Variants in XNDC1N observed in about 807,000 individuals in gnomAD.
XNDC1N encodes XRCC1 N-terminal domain containing 1, N-terminal like, also known as protein XNDC1N.
chr11:71,924,759 A>C, the XNDC1N span, among the ~76,000 whole-genome samples: 14 of 152,202 alleles, frequency 9.2e-5, no homozygotes, highest in East Asian at 2.7e-3. Flanking sequence ...GTAAAATTTT[A>C]AATATATGCA....
chr11:71,919,605 G>GTTTTTT, the XNDC1N span, among the ~76,000 whole-genome samples: 75 of 10,922 alleles, frequency 6.9e-3, no homozygotes, highest in African/African-American at 8.2e-3. Flanking sequence ...GGCCAGGTTG[G>GTTTTTT]TTTTTTTTTT....
the XNDC1N span, among the ~76,000 whole-genome samples, chr11:71,870,000 G>A: frequency 6.6e-6 from 1 of 152,138 alleles, no homozygotes; most frequent in South Asian, 2.1e-4. Context: ...TGTTAGGCTG[G>A]GGAGGCCTAA....
chr11:71,905,899 ATCTC>A, the XNDC1N span, among the ~76,000 whole-genome samples: 4 of 152,078 alleles, frequency 2.6e-5, no homozygotes, highest in South Asian at 2.1e-4. Context: ...TTAAAGTAAT[ATCTC>A]TCTATCAGAT....
the XNDC1N span, among the ~76,000 whole-genome samples, chr11:71,897,531 C>T: frequency 6.6e-6 from 1 of 152,086 alleles, no homozygotes; most frequent in Non-Finnish European, 1.5e-5. Context: ...GAATGTGATA[C>T]CACAGATTAG....
At chr11:71,890,671 CAG>C in the XNDC1N span, among the ~76,000 whole-genome samples, 1 of 152,030 alleles carries the variant, frequency 6.6e-6, no homozygotes, top group Non-Finnish European at 1.5e-5. Context: ...AACAATATCA[CAG>C]GGGGTTGTGA....
At chr11:71,884,487 A>G in the XNDC1N span, 7 of 1,610,668 alleles carry the variant, frequency 4.3e-6, no homozygotes, top group Non-Finnish European at 5.1e-6. Flanking sequence ...TGAACATGCA[A>G]TTAGATACTG....
the XNDC1N span, chr11:71,903,837 T>C: frequency 1.7e-5 from 6 of 353,888 alleles, no homozygotes; most frequent in South Asian, 1.3e-4. Flanking sequence ...TCGGGGACCC[T>C]TTTCTCTTAC....
chr11:71,918,247 G>C, the XNDC1N span, among the ~76,000 whole-genome samples: 1 of 152,146 alleles, frequency 6.6e-6, no homozygotes, highest in Non-Finnish European at 1.5e-5. Flanking sequence ...TCCTGACACA[G>C]ATATTTACAG....
the XNDC1N span, among the ~76,000 whole-genome samples, chr11:71,913,523 G>A: frequency 1.3e-5 from 2 of 152,086 alleles, no homozygotes; most frequent in African/African-American, 4.8e-5. Flanking sequence ...GCCGGGTGTG[G>A]TGGTGTGCGC....
the XNDC1N span, among the ~76,000 whole-genome samples, chr11:71,869,199 C>T: frequency 1.2e-4 from 18 of 152,004 alleles, no homozygotes; most frequent in Middle Eastern, 3.4e-3. Context: ...TATCCCTCCC[C>T]GCTCCCACTA....
the XNDC1N span, chr11:71,927,603 T>G: frequency 3.0e-4 from 46 of 152,154 alleles, no homozygotes; most frequent in African/African-American, 1.1e-3. Context: ...ATATAATTAT[T>G]AAAAATGGAC....
the XNDC1N span, among the ~76,000 whole-genome samples, chr11:71,884,856 G>C: frequency 6.6e-6 from 1 of 151,252 alleles, no homozygotes; most frequent in African/African-American, 2.4e-5. Flanking sequence ...AACCCCTATC[G>C]CAGGGGGGTG....
chr11:71,870,617 A>G, the XNDC1N span, among the ~76,000 whole-genome samples: 1 of 152,228 alleles, frequency 6.6e-6, no homozygotes, highest in Non-Finnish European at 1.5e-5. Flanking sequence ...GGGAGAAAAT[A>G]TTTGCAAGCC....
the XNDC1N span, among the ~76,000 whole-genome samples, chr11:71,921,575 A>T: frequency 3.7e-4 from 56 of 152,126 alleles, no homozygotes; most frequent in Non-Finnish European, 7.4e-4. Flanking sequence ...CTGTAATCTA[A>T]ATGTCTTCAT....
the XNDC1N span, among the ~76,000 whole-genome samples, chr11:71,897,118 T>C: frequency 6.6e-6 from 1 of 152,168 alleles, no homozygotes; most frequent in Non-Finnish European, 1.5e-5. Flanking sequence ...GCTAAAAGTA[T>C]GACACGCCTA....
chr11:71,928,557 A>G, the XNDC1N span: 1 of 702,600 alleles, frequency 1.4e-6, no homozygotes, highest in South Asian at 1.5e-5. Context: ...CCGAGGCAAG[A>G]TGGCAGGTGC....
the XNDC1N span, among the ~76,000 whole-genome samples, chr11:71,889,891 C>T: frequency 1.3e-5 from 2 of 152,118 alleles, no homozygotes; most frequent in Admixed American, 1.3e-4. Flanking sequence ...AGAGAAATCT[C>T]GTGAAGTAAC....
chr11:71,917,744 C>A, the XNDC1N span: 1 of 703,148 alleles, frequency 1.4e-6, no homozygotes. Flanking sequence ...GAATGGCCCA[C>A]ATCAATTTGC....
chr11:71,909,353 G>T, the XNDC1N span, among the ~76,000 whole-genome samples: 1 of 151,626 alleles, frequency 6.6e-6, no homozygotes, highest in Non-Finnish European at 1.5e-5. Flanking sequence ...GGGAAGGGAG[G>T]CCCTGGGAAA....
Sources: gnomAD v4.1 joint callset for allele counts (sites outside exome capture counted in the v4.1 genomes callset) on GRCh38, gnomAD v4.1.1 for gene constraint, MANE v1.5 for transcripts, NCBI Gene and HGNC (gene_info 2026-07-23, HGNC 2026-07-21) for gene names.